TENM1: variants seen among roughly 807,000 people sequenced by gnomAD.
TENM1 encodes teneurin transmembrane protein 1, also known as teneurin-1.
Under a neutral mutation model 174.8 loss-of-function variants are expected in TENM1, and 35 were observed. The observed-to-expected ratio is 0.20, with a 90% CI of 0.15 to 0.27. The LOEUF (loss-of-function observed/expected upper bound fraction) is 0.27. Among genes scored for constraint, TENM1 ranks in the 10% least tolerant of loss-of-function variants. TENM1 has a pLI of 1.00. For missense variants in TENM1, 1,633 were observed against 2,130.1 expected (o/e 0.77, Z 4.59); for synonymous variants, 781 against 798.7 (o/e 0.98, Z 0.37).
intron 15 of TENM1, among the ~76,000 whole-genome samples, chrX:124,535,727 C>T (rs1384257937): frequency 8.9e-6 from 1 of 112,132 alleles, no homozygotes; most frequent in Admixed American, 9.4e-5. Flanking sequence ...ATTTTCTTCC[C>T]TGTGTCCTTC....
intron 22 of TENM1, among the ~76,000 whole-genome samples, chrX:124,463,890 G>A (rs1291157218): frequency 9.3e-6 from 1 of 107,607 alleles, no homozygotes; most frequent in East Asian, 2.9e-4. Flanking sequence ...GAGAGAGAGA[G>A]AGAGATTGGG....
intron 28 of TENM1, among the ~76,000 whole-genome samples, chrX:124,387,653 T>G (rs144720160): frequency 8.9e-6 from 1 of 112,731 alleles, no homozygotes; most frequent in Non-Finnish European, 1.9e-5. Context: ...TTGAATGTGC[T>G]TTCTGAAACT....
At chrX:124,944,403 T>A (rs1412014926) in intron 1 of TENM1, among the ~76,000 whole-genome samples, 1 of 111,052 alleles carries the variant, frequency 9.0e-6, no homozygotes, top group Non-Finnish European at 1.9e-5. Context: ...CAAACATCTC[T>A]ATACAGGCAG....
intron 1 of TENM1, among the ~76,000 whole-genome samples, chrX:124,957,704 T>C (rs1032035931): frequency 7.2e-5 from 8 of 111,149 alleles, no homozygotes; most frequent in Non-Finnish European, 9.4e-5. Flanking sequence ...AAAAATGCTA[T>C]TCGGAGAAAA....
the TENM1 span, among the ~76,000 whole-genome samples, chrX:125,070,813 TG>T: frequency 9.0e-6 from 1 of 111,362 alleles, no homozygotes; most frequent in African/African-American, 3.3e-5. Flanking sequence ...ATGGATGAAA[TG>T]GTTGCTTTTG....
At chrX:124,448,805 C>G (rs1242647390) in intron 23 of TENM1, among the ~76,000 whole-genome samples, 1 of 111,687 alleles carries the variant, frequency 9.0e-6, no homozygotes, top group African/African-American at 3.3e-5. Flanking sequence ...ATACTAAATT[C>G]CAGTAAGGGA....
At chrX:124,389,500 C>T (rs4825898) in intron 28 of TENM1, among the ~76,000 whole-genome samples, 20,207 of 111,680 alleles carry the variant, frequency 0.18, 1,369 homozygotes, top group African/African-American at 0.21. Context: ...GATACAAAAC[C>T]TCAAGTCAGT....
At chrX:124,642,130 G>T (rs971266279) in intron 10 of TENM1, 139 bp from the exon 14 acceptor site, 4 of 503,590 alleles carry the variant, frequency 7.9e-6, no homozygotes, top group Non-Finnish European at 1.4e-5. Context: ...GCAATAAAAT[G>T]ACTCATGCAA....
At chrX:124,461,307 G>A (rs2061170052) in intron 22 of TENM1, among the ~76,000 whole-genome samples, 1 of 111,643 alleles carries the variant, frequency 9.0e-6, no homozygotes, top group African/African-American at 3.3e-5. Context: ...ATGTAAATTA[G>A]GATAGCCACT....
chrX:124,690,484 AGTGTGTGTGTGTGT>A (rs58386633), intron 5 of TENM1, among the ~76,000 whole-genome samples: 7 of 93,485 alleles, frequency 7.5e-5, no homozygotes, highest in Non-Finnish European at 1.3e-4. Context: ...GCTTTGTTAG[AGTGTGTGTGTGTGT>A]GTGTGTGTGT....
chrX:124,575,036 T>C (rs1304029936), intron 11 of TENM1, among the ~76,000 whole-genome samples: 2 of 112,284 alleles, frequency 1.8e-5, no homozygotes, highest in Non-Finnish European at 3.8e-5. Context: ...CGTGCACACA[T>C]GCATGCACAT....
the TENM1 span, among the ~76,000 whole-genome samples, chrX:125,177,935 A>C: frequency 8.9e-6 from 1 of 111,934 alleles, no homozygotes; most frequent in Non-Finnish European, 1.9e-5. Flanking sequence ...TCTGGCATAA[A>C]AGAATAAGTA....
intron 18 of TENM1, among the ~76,000 whole-genome samples, chrX:124,515,459 G>A (rs997275342): frequency 9.0e-6 from 1 of 111,421 alleles, no homozygotes; most frequent in African/African-American, 3.3e-5. Context: ...CCATAGATTT[G>A]GTCCCAAAGC....
At chrX:125,125,737 A>G in the TENM1 span, among the ~76,000 whole-genome samples, 3 of 111,908 alleles carry the variant, frequency 2.7e-5, no homozygotes, top group Non-Finnish European at 5.6e-5. Context: ...GTAAAGCTGC[A>G]CTATCTTGAG....
chrX:124,971,291 T>C, the TENM1 span, among the ~76,000 whole-genome samples: 2 of 110,530 alleles, frequency 1.8e-5, no homozygotes, highest in Non-Finnish European at 3.8e-5. Flanking sequence ...ATAATAATAA[T>C]AAAAAAAAGT....
At chrX:124,412,971 G>A in intron 25 of TENM1, among the ~76,000 whole-genome samples, 1 of 112,164 alleles carries the variant, frequency 8.9e-6, no homozygotes, top group Middle Eastern at 4.6e-3. Context: ...GATTGGGAAG[G>A]GGAGGAAGGC....
chrX:124,532,973 A>G (rs2048138453), intron 15 of TENM1, among the ~76,000 whole-genome samples: 2 of 112,211 alleles, frequency 1.8e-5, no homozygotes, highest in Admixed American at 1.9e-4. Flanking sequence ...AAATTTCAGG[A>G]CAGTATTAAA....
At chrX:124,568,934 T>C (rs2048996631) in intron 11 of TENM1, among the ~76,000 whole-genome samples, 1 of 111,940 alleles carries the variant, frequency 8.9e-6, no homozygotes, top group Non-Finnish European at 1.9e-5. Flanking sequence ...CCAGGCACAT[T>C]GGCATACACC....
intron 3 of TENM1, among the ~76,000 whole-genome samples, chrX:124,834,864 G>T (rs985452523): frequency 9.8e-5 from 11 of 111,939 alleles, no homozygotes; most frequent in African/African-American, 3.3e-4. Context: ...CTTGTCTCCA[G>T]ATTTAACCAT....
Sources: gnomAD v4.1 joint callset for allele counts (sites outside exome capture counted in the v4.1 genomes callset) on GRCh38, gnomAD v4.1.1 for gene constraint, MANE v1.5 for transcripts, NCBI Gene and HGNC (gene_info 2026-07-23, HGNC 2026-07-21) for gene names.